OR56A3: variants seen among roughly 807,000 people sequenced by gnomAD.
OR56A3 encodes olfactory receptor family 56 subfamily A member 3.
A neutral mutation model predicts 17.5 loss-of-function variants in OR56A3; 23 were observed. That is an observed-to-expected ratio of 1.32 (90% CI 0.95 to 1.87). OR56A3 has a LOEUF of 1.87. Among genes scored for constraint, OR56A3 ranks in the 40% most tolerant of loss-of-function variants. The probability of loss-of-function intolerance (pLI) is 0.00; values close to 1 mark genes in which losing one functional copy is unlikely to be tolerated. For synonymous variants in OR56A3, 175 were observed against 150.6 expected (o/e 1.16, Z -1.19); for missense variants, 366 against 380.1 (o/e 0.96, Z 0.31).
rs547088705 is a variant in OR56A3, at chr11:5,950,147, C to T, written c.*1853C>T. 1 of 152,260 alleles carries T rather than the reference C, an allele frequency of 6.6e-6. No individual in the cohort carries two copies. The highest frequency in any genetic ancestry group is 6.5e-5 in the Admixed American group (1 of 15,292). The allele number at this position is 152,260 out of a possible 1,614,324, so 9.4% of individuals were successfully genotyped here. A position where few individuals can be genotyped will look rare whatever the true frequency, so the allele number is the denominator to read the frequency against. ...AATATTAAAAATCTGAAAGTTTTAACAATATGCTATATTAACATATACTTA... is the reference window on the plus strand; with the variant it reads ...AATATTAAAAATCTGAAAGTTTTAATAATATGCTATATTAACATATACTTA... On this transcript the variant is annotated 3_prime_UTR_variant, in exon 3 of 3. Coordinates refer to ENST00000641160, the MANE Select transcript of OR56A3 (RefSeq NM_001003443.3).
chr11:5,992,310 A>G, the OR56A3 span, among the ~76,000 whole-genome samples: 1 of 152,128 alleles, frequency 6.6e-6, no homozygotes, highest in African/African-American at 2.4e-5. Flanking sequence ...TTCACACCCA[A>G]TGACTGCTGA....
the OR56A3 span, among the ~76,000 whole-genome samples, chr11:5,980,324 C>T: frequency 6.6e-6 from 1 of 152,046 alleles, no homozygotes; most frequent in South Asian, 2.1e-4. Flanking sequence ...TTATCAAAGT[C>T]TCTTTGTAGG....
At chr11:5,968,121 C>A in the OR56A3 span, 1 of 1,613,986 alleles carries the variant, frequency 6.2e-7, no homozygotes, top group Non-Finnish European at 8.5e-7. Context: ...GGCCACATAG[C>A]GGTCATAGGC....
intron 2 of OR56A3, among the ~76,000 whole-genome samples, chr11:5,946,886 T>C (rs1215029303): frequency 6.6e-6 from 1 of 152,222 alleles, no homozygotes; most frequent in Non-Finnish European, 1.5e-5. Flanking sequence ...GTCCCTTCCT[T>C]GTGCCAGGCT....
At chr11:5,973,540 T>C in the OR56A3 span, among the ~76,000 whole-genome samples, 1 of 152,242 alleles carries the variant, frequency 6.6e-6, no homozygotes, top group Admixed American at 6.5e-5. Context: ...TGGATGATTA[T>C]TCCTGCCATA....
At chr11:5,978,646 T>A in the OR56A3 span, among the ~76,000 whole-genome samples, 4 of 152,128 alleles carry the variant, frequency 2.6e-5, no homozygotes, top group Non-Finnish European at 5.9e-5. Flanking sequence ...GGATATAGAA[T>A]GGTATCTTCT....
chr11:5,972,015 C>G, the OR56A3 span, among the ~76,000 whole-genome samples: 1 of 152,158 alleles, frequency 6.6e-6, no homozygotes, highest in Non-Finnish European at 1.5e-5. Flanking sequence ...GGCTATAAAT[C>G]ATGTCTAATA....
chr11:5,988,957 GT>G, the OR56A3 span, among the ~76,000 whole-genome samples: 12 of 152,208 alleles, frequency 7.9e-5, no homozygotes, highest in African/African-American at 2.7e-4. Context: ...GAATGACTTA[GT>G]TCTTGTGGAT....
the OR56A3 span, among the ~76,000 whole-genome samples, chr11:5,971,189 C>T: frequency 6.6e-6 from 1 of 152,208 alleles, no homozygotes; most frequent in African/African-American, 2.4e-5. Context: ...ATTCACCCCA[C>T]TGACCTACTA....
chr11:5,966,621 G>A, the OR56A3 span, among the ~76,000 whole-genome samples: 2 of 152,074 alleles, frequency 1.3e-5, no homozygotes, highest in Admixed American at 6.5e-5. Flanking sequence ...ATTGCAAAGT[G>A]TAAAACATAC....
At chr11:5,951,715 A>G (rs1847909189), downstream of OR56A3, among the ~76,000 whole-genome samples, 2 of 152,324 alleles carry the variant, frequency 1.3e-5, no homozygotes, top group South Asian at 4.1e-4. Context: ...CTTCAGCTCA[A>G]CATTTAACAC....
chr11:5,994,581 T>G, the OR56A3 span: 1 of 874,542 alleles, frequency 1.1e-6, no homozygotes, highest in South Asian at 1.3e-5. Flanking sequence ...TGCAGCCGAG[T>G]GACATTGGTG....
chr11:5,945,585 A>AAAT, intron 2 of OR56A3, among the ~76,000 whole-genome samples: 1 of 91,736 alleles, frequency 1.1e-5, no homozygotes, highest in African/African-American at 3.1e-5. Context: ...CATATAAAAA[A>AAAT]AAAAAAAAAA....
the OR56A3 span, among the ~76,000 whole-genome samples, chr11:5,980,553 G>C: frequency 1.3e-5 from 2 of 151,896 alleles, no homozygotes; most frequent in African/African-American, 2.4e-5. Context: ...CCATTCCTTT[G>C]CTTTGAGCCT....
the OR56A3 span, among the ~76,000 whole-genome samples, chr11:5,963,464 A>AT: frequency 0.038 from 5,796 of 151,548 alleles, 181 homozygotes; most frequent in Non-Finnish European, 0.054. Context: ...TGGTTGGCAG[A>AT]TTTTTTGGTG....
the OR56A3 span, among the ~76,000 whole-genome samples, chr11:5,959,194 C>T: frequency 6.6e-6 from 1 of 152,138 alleles, no homozygotes; most frequent in African/African-American, 2.4e-5. Context: ...TTTCAAGGAA[C>T]TTCTGTCCTG....
chr11:5,979,301 G>A, the OR56A3 span, among the ~76,000 whole-genome samples: 8 of 151,928 alleles, frequency 5.3e-5, no homozygotes, highest in South Asian at 4.2e-4. Flanking sequence ...TGGCACCAGC[G>A]CTTCTTTACA....
chr11:5,964,705 A>G, the OR56A3 span, among the ~76,000 whole-genome samples: 1 of 152,192 alleles, frequency 6.6e-6, no homozygotes, highest in Admixed American at 6.5e-5. Context: ...CATCTCACAC[A>G]TGGCTACGGG....
the OR56A3 span, among the ~76,000 whole-genome samples, chr11:5,966,484 A>C: frequency 1.3e-5 from 2 of 152,324 alleles, no homozygotes; most frequent in South Asian, 2.1e-4. Flanking sequence ...TTCAAAAATA[A>C]TATCTATGAA....
Sources: gnomAD v4.1 joint callset for allele counts (sites outside exome capture counted in the v4.1 genomes callset) on GRCh38, gnomAD v4.1.1 for gene constraint, MANE v1.5 for transcripts, NCBI Gene and HGNC (gene_info 2026-07-23, HGNC 2026-07-21) for gene names.